The following KCNK10 variants were observed in gnomAD, a reference collection of about 807,000 sequenced individuals.
KCNK10 encodes potassium two pore domain channel subfamily K member 10.
In KCNK10, 25 loss-of-function variants were observed where a neutral mutation model predicts 47.7. The observed-to-expected ratio is 0.52, with a 90% CI of 0.38 to 0.73. KCNK10 has a LOEUF of 0.73. KCNK10 is among the 30% of genes least tolerant of loss of function. KCNK10 has a pLI of 0.00. For missense variants in KCNK10, 563 were observed against 714.5 expected, an observed-to-expected ratio of 0.79 and a Z score of 2.42; for synonymous variants, 303 against 285.6, an observed-to-expected ratio of 1.06 and a Z score of -0.61.
chr14:88,207,168 CTTTTTTTTT>C (rs55711197), intron 4 of KCNK10, among the ~76,000 whole-genome samples: 1 of 107,750 alleles, frequency 9.3e-6, no homozygotes, highest in African/African-American at 3.8e-5. Context: ...AGGTCACTCT[CTTTTTTTTT>C]TTTTTTTTTT....
At chr14:88,279,877 G>A (rs1046955059) in intron 1 of KCNK10, among the ~76,000 whole-genome samples, 1 of 152,146 alleles carries the variant, frequency 6.6e-6, no homozygotes, top group South Asian at 2.1e-4. Flanking sequence ...TCATGATAAC[G>A]AATAAGTCTC....
At chr14:88,232,659 A>C (rs147813058) in intron 3 of KCNK10, among the ~76,000 whole-genome samples, 1 of 152,358 alleles carries the variant, frequency 6.6e-6, no homozygotes, top group African/African-American at 2.4e-5. Context: ...AGAAAGAAAG[A>C]GTGAGAGAGA....
chr14:88,314,755 A>G (rs185746826), intron 1 of KCNK10, among the ~76,000 whole-genome samples: 13 of 152,332 alleles, frequency 8.5e-5, no homozygotes, highest in East Asian at 1.9e-4. Flanking sequence ...CTGTGAGAAC[A>G]GCACAAGGCA....
At chr14:88,282,454 T>TAGGC (rs1887670538) in intron 1 of KCNK10, among the ~76,000 whole-genome samples, 1 of 152,200 alleles carries the variant, frequency 6.6e-6, no homozygotes, top group Non-Finnish European at 1.5e-5. Flanking sequence ...TAATTCCAAA[T>TAGGC]CTCAATATTT....
rs553704012 is a variant in KCNK10 at position 88,267,861 on chromosome 14, G to A, written c.53-4310C>T. 5.3e-5 allele frequency among the ~76,000 whole-genome samples: 8 copies of A among 152,236 alleles called. No homozygotes were observed. In the South Asian group the frequency reaches 1.7e-3, roughly 32 times the overall value. On this transcript the variant is annotated intron_variant, in intron 1 of 6. Coordinates refer to ENST00000319231, the MANE Select transcript of KCNK10 (RefSeq NM_138317.3). ...GATGGTGGTGCTGATGGTGGTGAAG[G>A]TGACAGGAGCCCTGATGGCCTACTG... is the stretch of plus-strand genomic sequence containing the variant.
chr14:88,246,962 T>C (rs2139898596), intron 2 of KCNK10, among the ~76,000 whole-genome samples: 2 of 152,260 alleles, frequency 1.3e-5, no homozygotes, highest in South Asian at 4.2e-4. Context: ...AGAGTACAGA[T>C]TAACTCAGCC....
At chr14:88,187,841 C>G in intron 6 of KCNK10, 126 bp downstream of exon 6, 12 of 840,258 alleles carry the variant, frequency 1.4e-5, no homozygotes, top group Non-Finnish European at 1.7e-5. Flanking sequence ...AAGCCTATGA[C>G]CCGCCCCCCG....
At chr14:88,313,404 C>T (rs924606130) in intron 1 of KCNK10, among the ~76,000 whole-genome samples, 8 of 152,174 alleles carry the variant, frequency 5.3e-5, no homozygotes, top group South Asian at 2.1e-4. Context: ...ATGAAAAGAA[C>T]GTGGTGGTGG....
chr14:88,240,827 A>G lies in KCNK10; in HGVS notation c.403-7T>C. ...TGTCAGCATCAAGAGCATGCTGCAAAGAAAGGGAAAAAGCATAAGACTCAG... is the reference window on the plus strand; with the variant it reads ...TGTCAGCATCAAGAGCATGCTGCAAGGAAAGGGAAAAAGCATAAGACTCAG... On this transcript the variant is annotated splice_region_variant and splice_polypyrimidine_tract_variant and intron_variant, in intron 2 of 6. Coordinates refer to ENST00000319231, the MANE Select transcript of KCNK10 (RefSeq NM_138317.3). 2 of 1,564,610 alleles carry G rather than the reference A, an allele frequency of 1.3e-6. No homozygotes were observed. Among genetic ancestry groups the G allele is most frequent in the Non-Finnish European group, 1.8e-6 (2 of 1,135,272 alleles).
chr14:88,227,058 T>C (rs951080587), intron 4 of KCNK10, among the ~76,000 whole-genome samples: 34 of 152,326 alleles, frequency 2.2e-4, no homozygotes, highest in Admixed American at 2.2e-3. Flanking sequence ...ACAAACACAA[T>C]GAGGAACCCC....
At chr14:88,237,715 G>C (rs962273436) in intron 3 of KCNK10, among the ~76,000 whole-genome samples, 1 of 151,968 alleles carries the variant, frequency 6.6e-6, no homozygotes, top group Non-Finnish European at 1.5e-5. Context: ...TTTCTGAGTA[G>C]TAGATCTCAA....
At chr14:88,265,677 A>G (rs1887232773) in intron 1 of KCNK10, among the ~76,000 whole-genome samples, 1 of 152,146 alleles carries the variant, frequency 6.6e-6, no homozygotes, top group Non-Finnish European at 1.5e-5. Context: ...CTCACCTTAA[A>G]TTGTATTCCC....
chr14:88,224,224 T>C (rs926734699), intron 4 of KCNK10, among the ~76,000 whole-genome samples: 2 of 152,208 alleles, frequency 1.3e-5, no homozygotes, highest in African/African-American at 2.4e-5. Flanking sequence ...ATTGTAGTCA[T>C]ATGTTACACA....
chr14:88,206,745 C>T (rs1257771852), intron 4 of KCNK10, among the ~76,000 whole-genome samples: 1 of 152,220 alleles, frequency 6.6e-6, no homozygotes, highest in Non-Finnish European at 1.5e-5. Context: ...TGAAACATTA[C>T]TTTCCATTTA....
chr14:88,307,535 T>C (rs377017504), intron 1 of KCNK10, among the ~76,000 whole-genome samples: 2 of 152,206 alleles, frequency 1.3e-5, no homozygotes, highest in South Asian at 2.1e-4. Flanking sequence ...TAGATAGTGA[T>C]GATGATTGCA....
rs558275402 is a variant in KCNK10, at chr14:88,307,951, C to A, written c.52+14796G>T. Among the ~76,000 whole-genome samples, 16 of 152,188 alleles carry A rather than the reference C, an allele frequency of 1.1e-4. No individual in the cohort carries two copies. The South Asian group carries it at 3.3e-3, about 32-fold the overall frequency. ...GAGGTCTCATTTAACCATACCTACT[C>A]CCTAGGGAGCAGGTACTTTTATCAT... On this transcript the variant is annotated intron_variant, in intron 1 of 6. Transcript: ENST00000319231.
chr14:88,278,308 T>C (rs947724161), intron 1 of KCNK10, among the ~76,000 whole-genome samples: 4 of 152,232 alleles, frequency 2.6e-5, no homozygotes, highest in African/African-American at 9.6e-5. Context: ...ATATGAGAAG[T>C]GTCCCTTCTC....
intron 2 of KCNK10, among the ~76,000 whole-genome samples, chr14:88,261,562 G>A (rs1238580821): frequency 6.6e-6 from 1 of 152,150 alleles, no homozygotes; most frequent in Non-Finnish European, 1.5e-5. Context: ...AGACCAGCCT[G>A]GGCAACATGG....
rs117619160 is a variant in KCNK10, at chr14:88,197,310, C to T, written c.682-4900G>A. ...AATTCACAAATAATAAAAACTCAGG[C>T]CAGGCATGCTGGCTCACACCTGTAA... On this transcript the variant is annotated intron_variant, in intron 4 of 6. Coordinates refer to ENST00000319231, the MANE Select transcript of KCNK10 (RefSeq NM_138317.3). Among the ~76,000 whole-genome samples the T allele has an allele frequency of 9.3e-3, 1,420 of 152,092 alleles. 9 individuals are homozygous for T. Among genetic ancestry groups the T allele is most frequent in the Non-Finnish European group, 0.015 (996 of 67,994 alleles).
Sources: allele counts gnomAD v4.1 joint callset (sites outside exome capture counted in the v4.1 genomes callset), GRCh38; gene constraint gnomAD v4.1.1; transcripts MANE v1.5; gene names NCBI Gene and HGNC (gene_info 2026-07-23, HGNC 2026-07-21).